The following CSMD1 variants were observed in gnomAD, a reference collection of about 807,000 sequenced individuals.
CSMD1 encodes CUB and sushi domain-containing protein 1.
Under a neutral mutation model 417.5 loss-of-function variants are expected in CSMD1, and 213 were observed. That is an observed-to-expected ratio of 0.51 (90% CI 0.46 to 0.57). The LOEUF (loss-of-function observed/expected upper bound fraction) is 0.57, where lower values mean the gene tolerates loss of function less well. Among genes scored for constraint, CSMD1 ranks in the 20% least tolerant of loss-of-function variants. The pLI is 0.00. For missense variants in CSMD1, 6,923 were observed against 4,529.7 expected (o/e 1.53, Z -15.17); for synonymous variants, 2,862 against 1,736.8 (o/e 1.65, Z -16.11).
chr8:4,192,059 T>C (rs1799063760), intron 3 of CSMD1, among the ~76,000 whole-genome samples: 2 of 152,102 alleles, frequency 1.3e-5, no homozygotes, highest in African/African-American at 4.8e-5. Context: ...TGTGTTTTCA[T>C]CTCAATAGCC....
chr8:4,967,304 A>G (rs1440670593), intron 1 of CSMD1, among the ~76,000 whole-genome samples: 1 of 152,174 alleles, frequency 6.6e-6, no homozygotes, highest in Non-Finnish European at 1.5e-5. Flanking sequence ...AGGCATTTTA[A>G]GTTGTCCTTC....
At chr8:3,980,145 G>C (rs943048365) in intron 5 of CSMD1, among the ~76,000 whole-genome samples, 1 of 152,106 alleles carries the variant, frequency 6.6e-6, no homozygotes, top group African/African-American at 2.4e-5. Flanking sequence ...GTGCTGTACG[G>C]TTTATAGAGC....
At position 3,795,684 on chromosome 8, in the gene CSMD1, TGTATAGATATAGATATATATCTATCAA is replaced by T; in HGVS notation, c.819-41669_819-41643del. ...CATAGATATAGATATATATCTATCA[TGTATAGATATAGATATATATCTATCAA>T]GTACAGCTATAGATATCTATCATGT... On this transcript the variant is annotated intron_variant, in intron 5 of 69. Coordinates refer to ENST00000635120, the MANE Select transcript of CSMD1 (RefSeq NM_033225.6). Among the ~76,000 whole-genome samples, 2 of 40,896 alleles carry T rather than the reference TGTATAGATATAGATATATATCTATCAA, an allele frequency of 4.9e-5. 1 individual carries two copies. The highest frequency in any genetic ancestry group is 9.1e-5 in the Non-Finnish European group (2 of 22,058). 26.8% of individuals were successfully genotyped at this position (40,896 alleles called of 152,430 possible). A position where few individuals can be genotyped will look rare whatever the true frequency, so the allele number is the denominator to read the frequency against.
intron 3 of CSMD1, among the ~76,000 whole-genome samples, chr8:4,111,254 G>A (rs1324858788): frequency 6.6e-6 from 1 of 152,068 alleles, no homozygotes; most frequent in Non-Finnish European, 1.5e-5. Flanking sequence ...ATTATCATCA[G>A]TCAGTTTGTT....
chr8:3,621,713 G>C (rs1796249582), intron 7 of CSMD1, among the ~76,000 whole-genome samples: 1 of 151,700 alleles, frequency 6.6e-6, no homozygotes, highest in Non-Finnish European at 1.5e-5. Flanking sequence ...CCAAATAGCT[G>C]CAACTACAGG....
At chr8:4,460,129 G>A (rs961606625) in intron 2 of CSMD1, among the ~76,000 whole-genome samples, 1 of 152,098 alleles carries the variant, frequency 6.6e-6, no homozygotes, top group African/African-American at 2.4e-5. Context: ...ACTACTTTCA[G>A]TTTATTTAAA....
At chr8:3,006,100 A>C (rs1807872430) in intron 52 of CSMD1, among the ~76,000 whole-genome samples, 1 of 150,876 alleles carries the variant, frequency 6.6e-6, no homozygotes. Context: ...CAATGTGCAA[A>C]AATCACAAGC....
intron 5 of CSMD1, among the ~76,000 whole-genome samples, chr8:3,767,386 C>G (rs1293247797): frequency 1.3e-5 from 2 of 152,222 alleles, no homozygotes; most frequent in African/African-American, 4.8e-5. Context: ...GACCTCAGGC[C>G]TTTACTCAGC....
At chr8:3,431,160 A>T (rs1814195386) in intron 12 of CSMD1, among the ~76,000 whole-genome samples, 1 of 151,984 alleles carries the variant, frequency 6.6e-6, no homozygotes, top group South Asian at 2.1e-4. Context: ...AACTCTATGG[A>T]CTCTCTATGG....
intron 11 of CSMD1, among the ~76,000 whole-genome samples, chr8:3,482,273 C>T (rs891283266): frequency 4.6e-5 from 7 of 151,992 alleles, no homozygotes; most frequent in Non-Finnish European, 5.9e-5. Context: ...AATAATGAGG[C>T]TTAAAATATA....
chr8:4,371,010 T>G (rs1241628425), intron 3 of CSMD1, among the ~76,000 whole-genome samples: 2 of 152,194 alleles, frequency 1.3e-5, no homozygotes, highest in Non-Finnish European at 2.9e-5. Context: ...ACCTTTAGTG[T>G]TACTAGGGTC....
intron 1 of CSMD1, among the ~76,000 whole-genome samples, chr8:4,894,735 C>T (rs1430837875): frequency 4.1e-5 from 6 of 146,338 alleles, no homozygotes; most frequent in Non-Finnish European, 9.0e-5. Flanking sequence ...TGAGGAGGAC[C>T]GAGGGGGACC....
At chr8:3,556,415 T>TATATATATATATATACACATA (rs1799148435) in intron 10 of CSMD1, among the ~76,000 whole-genome samples, 18 of 57,122 alleles carry the variant, frequency 3.2e-4, no homozygotes, top group African/African-American at 1.1e-3. Flanking sequence ...ATATATATAT[T>TATATATATATATATACACATA]CACACACACA....
intron 10 of CSMD1, among the ~76,000 whole-genome samples, chr8:3,509,412 T>C (rs12114535): frequency 0.2 from 29,921 of 152,210 alleles, 3,177 homozygotes; most frequent in East Asian, 0.27. Flanking sequence ...TTTAGACAAT[T>C]TTCTCAGGAC....
chr8:3,310,241 C>CA (rs151242069), intron 23 of CSMD1, among the ~76,000 whole-genome samples: 2,645 of 152,290 alleles, frequency 0.017, 79 homozygotes, highest in African/African-American at 0.06. Flanking sequence ...TCATGTATGA[C>CA]AAAATCCATC....
rs116410918 is a variant in CSMD1, at chr8:3,445,924, T to C, written c.1561+22788A>G. Reference sequence around the variant, plus strand: ...TCTATCATCTTGACTCCAAAGAAGATTGTACAGAGAGACAGAGAGGCAACG... The same window carrying C: ...TCTATCATCTTGACTCCAAAGAAGACTGTACAGAGAGACAGAGAGGCAACG... On this transcript the variant is annotated intron_variant, in intron 12 of 69. Transcript: ENST00000635120. Among the ~76,000 whole-genome samples the C allele has an allele frequency of 8.0e-3, 1,219 of 152,206 alleles. 14 individuals are homozygous for C. Among genetic ancestry groups the C allele is most frequent in the African/African-American group, 0.025 (1,039 of 41,532 alleles).
chr8:3,267,832 A>G (rs1478618341), intron 26 of CSMD1, among the ~76,000 whole-genome samples: 1 of 152,112 alleles, frequency 6.6e-6, no homozygotes, highest in African/African-American at 2.4e-5. Flanking sequence ...AGCTGGGCCA[A>G]CCATTGACGG....
intron 3 of CSMD1, among the ~76,000 whole-genome samples, chr8:4,160,354 G>C (rs1232610370): frequency 3.3e-5 from 5 of 152,092 alleles, no homozygotes; most frequent in Admixed American, 2.6e-4. Context: ...TTTTTGTAAA[G>C]TAATGAAGCC....
chr8:3,451,130 T>C (rs1405794295), intron 12 of CSMD1, among the ~76,000 whole-genome samples: 2 of 152,214 alleles, frequency 1.3e-5, no homozygotes. Flanking sequence ...GAAGTGTCTG[T>C]TCATATCCTT....
Sources: gnomAD v4.1 joint callset for allele counts (sites outside exome capture counted in the v4.1 genomes callset) on GRCh38, gnomAD v4.1.1 for gene constraint, MANE v1.5 for transcripts, NCBI Gene and HGNC (gene_info 2026-07-23, HGNC 2026-07-21) for gene names.